Variants in GLUL observed in about 807,000 individuals in gnomAD.
GLUL encodes the protein glutamine synthetase.
Under a neutral mutation model 36.9 loss-of-function variants are expected in GLUL, and 8 were observed. The observed-to-expected ratio is 0.22, with a 90% CI of 0.13 to 0.39. The LOEUF is 0.39. Among genes scored for constraint, GLUL ranks in the 10% least tolerant of loss-of-function variants. The pLI is 1.00. For missense variants in GLUL, 315 were observed against 501.8 expected (o/e 0.63, Z 3.56); for synonymous variants, 182 against 172.8 (o/e 1.05, Z -0.42).
At position 182,380,423 on chromosome 1, in the gene GLUL, T is replaced by G. The variant is rs1192240139; in HGVS notation, c.*3982A>C. ...CCTGGGCTCAAGTCATCCTCCCATCTCAGCCTCCTGATAGCTGAGACTACA... is the reference window on the plus strand; with the variant it reads ...CCTGGGCTCAAGTCATCCTCCCATCGCAGCCTCCTGATAGCTGAGACTACA... On this transcript the variant is annotated 3_prime_UTR_variant, in exon 7 of 7. Transcript: ENST00000331872. Among the ~76,000 whole-genome samples the G allele has an allele frequency of 6.6e-6, 1 of 152,162 alleles. No individual in the cohort carries two copies. The highest frequency in any genetic ancestry group is 2.4e-5 in the African/African-American group (1 of 41,440).
rs774201990 is a variant in GLUL at position 182,385,319 on chromosome 1, A to C, written c.803+38T>G. 5 of 1,476,204 alleles carry C rather than the reference A, an allele frequency of 3.4e-6. No individual in the cohort carries two copies. In the South Asian group the frequency reaches 5.7e-5, roughly 17 times the overall value. The allele number at this position is 1,476,204 out of a possible 1,614,324, so 91.4% of individuals were successfully genotyped here. A position where few individuals can be genotyped will look rare whatever the true frequency, so the allele number is the denominator to read the frequency against. On this transcript the variant is annotated intron_variant, in intron 6 of 6. Transcript: ENST00000331872. The stretch of plus-strand genomic sequence containing the variant: ...TAAGTCTCCTCCCAAGTTTTCTGCC[A>C]CAGGAGATTAAAGATGGCCCCAGCA...
Position 182,379,642 on chromosome 1 carries a change from T to C in GLUL, c.*4763A>G, listed in dbSNP as rs1185214845. On this transcript the variant is annotated 3_prime_UTR_variant, in exon 7 of 7. Transcript: ENST00000331872. The stretch of plus-strand genomic sequence containing the variant: ...TGGCTCACTGCAGCTTCAAGTAATC[T>C]TCCCACCTCAGCCTCCCAGGTAGCT... Among the ~76,000 whole-genome samples, 1 of 151,672 alleles carries C rather than the reference T, an allele frequency of 6.6e-6. No homozygotes were observed. Among genetic ancestry groups the C allele is most frequent in the Non-Finnish European group, 1.5e-5 (1 of 67,956 alleles).
Position 182,381,247 on chromosome 1 carries a change from T to G in GLUL, c.*3158A>C, listed in dbSNP as rs774190181. ...GCGCCACACTATACTCCAGCCTGGGTGAGAGTCAGACCCCGTCTCAAAAAC... is the reference window on the plus strand; with the variant it reads ...GCGCCACACTATACTCCAGCCTGGGGGAGAGTCAGACCCCGTCTCAAAAAC... On this transcript the variant is annotated 3_prime_UTR_variant, in exon 7 of 7. Coordinates refer to ENST00000331872, the MANE Select transcript of GLUL (RefSeq NM_001033044.4). 5.3e-5 allele frequency among the ~76,000 whole-genome samples: 8 copies of G among 152,120 alleles called. No homozygotes were observed. The highest frequency in any genetic ancestry group is 1.3e-4 in the Admixed American group (2 of 15,268).
intron 1 of GLUL, chr1:182,390,445 T>C (rs1650361184): frequency 5.0e-6 from 2 of 398,746 alleles, no homozygotes; most frequent in Non-Finnish European, 8.8e-6. Flanking sequence ...TTTTCAGCAG[T>C]TTCTGCAGCT....
In GLUL at chr1:182,388,670, C is replaced by T. The variant is rs1650278888; in HGVS notation, c.68G>A (p.Gly23Asp). The T allele has an allele frequency of 6.2e-7, 1 of 1,613,796 alleles. No individual in the cohort carries two copies. Among genetic ancestry groups the T allele is most frequent in the East Asian group, 2.2e-5 (1 of 44,878 alleles). ...GATATACATGGCCTGGACTTTCTCA[C>T]CCTGAGGCAGGGACATGTACACCTG... ...IKQVYMSLPQ[G>D]EKVQAMYIWI... is the part of the protein sequence containing the mutation. The change falls in exon 2 of 7, where the codon GGT (glycine) becomes GAT (aspartate). Residue 23 changes from glycine to aspartate, a missense_variant. Around this residue, in one of 3 missense-constraint regions of GLUL, gnomAD observed 256 missense variants for 396.1 expected, o/e 0.65. Transcript: ENST00000331872.
chr1:182,381,416 T>C lies in GLUL; in HGVS notation c.*2989A>G, dbSNP rs1649923130. Among the ~76,000 whole-genome samples the C allele has an allele frequency of 6.6e-6, 1 of 152,214 alleles. No individual in the cohort carries two copies. Among genetic ancestry groups the C allele is most frequent in the African/African-American group, 2.4e-5 (1 of 41,452 alleles). ...GTTCATGGAGACCTCCTTTTGTAAATACTGGCCTGACTCCTTAAGGTTGAA... is the reference window on the plus strand; with the variant it reads ...GTTCATGGAGACCTCCTTTTGTAAACACTGGCCTGACTCCTTAAGGTTGAA... On this transcript the variant is annotated 3_prime_UTR_variant, in exon 7 of 7. Transcript: ENST00000331872.
At position 182,384,358 on chromosome 1, in the gene GLUL, T is replaced by C. The variant is rs375910894; in HGVS notation, c.*47A>G. 8.8e-6 allele frequency: 11 copies of C among 1,248,838 alleles called. No individual in the cohort carries two copies. Among genetic ancestry groups the C allele is most frequent in the Non-Finnish European group, 1.3e-5 (11 of 853,230 alleles). The allele number at this position is 1,248,838 out of a possible 1,614,324, so 77.4% of individuals were successfully genotyped here. ...ACTGGGAGAGGGGGAAGAGTTGGAG[T>C]GGGATGAAGAACTAGGAGGGGCTCA... On this transcript the variant is annotated 3_prime_UTR_variant, in exon 7 of 7. Coordinates refer to ENST00000331872, the MANE Select transcript of GLUL (RefSeq NM_001033044.4).
rs554347483 is a variant in GLUL, at chr1:182,385,451, T to C, written c.709A>G (p.Thr237Ala). The C allele has an allele frequency of 2.3e-5, 37 of 1,613,660 alleles. No homozygotes were observed. Among genetic ancestry groups the C allele is most frequent in the South Asian group, 1.2e-4 (11 of 91,068 alleles). Residue 237 changes from threonine to alanine, a missense_variant, in exon 6 of 7, where the codon ACC becomes GCC. Thr to Ala is a moderately conservative substitution (Grantham distance 58). Coordinates refer to ENST00000331872, the MANE Select transcript of GLUL (RefSeq NM_001033044.4). ...RVCEDFGVIA[T>A]FDPKPIPGNW... ...CCAGGAATGGGCTTAGGATCAAAGG[T>C]TGCTATCACTCCAAAGTCTTCACAC...
In GLUL at chr1:182,383,825, T is replaced by A. The variant is rs1187842886; in HGVS notation, c.*580A>T. ...TCTTCTTTCAAGGTAGGGATATCCA[T>A]CAGTTTATACTAAGCTTCGTGTTCA... On this transcript the variant is annotated 3_prime_UTR_variant, in exon 7 of 7. Coordinates refer to ENST00000331872, the MANE Select transcript of GLUL (RefSeq NM_001033044.4). 2 of 156,528 alleles carry A rather than the reference T, an allele frequency of 1.3e-5. No individual in the cohort carries two copies. Among genetic ancestry groups the A allele is most frequent in the Admixed American group, 1.2e-4 (2 of 16,350 alleles). The allele number at this position is 156,528 out of a possible 1,614,324, so 9.7% of individuals were successfully genotyped here.
rs200242040 is a variant in GLUL at position 182,386,420 on chromosome 1, T to C, written c.329-18A>G. ...ATTGGTCTCTAGAAAAAAGAGTCAA[T>C]AATACGCCATCAGGGATCTAAAGAC... is the stretch of plus-strand genomic sequence containing the variant. On this transcript the variant is annotated intron_variant, in intron 3 of 6. Coordinates refer to ENST00000331872, the MANE Select transcript of GLUL (RefSeq NM_001033044.4). 3 of 1,580,600 alleles carry C rather than the reference T, an allele frequency of 1.9e-6. No individual in the cohort carries two copies. The Admixed American group carries it at 5.0e-5, about 26-fold the overall frequency.
chr1:182,384,750 C>G (rs1472647848), intron 6 of GLUL, 27 bp from the exon 7 acceptor site: 6 of 1,557,626 alleles, frequency 3.9e-6, no homozygotes, highest in Admixed American at 1.7e-5. Flanking sequence ...AGATGGCAGT[C>G]CAACCTTGTC....
chr1:182,386,969 C>T (rs1571407883), intron 3 of GLUL, 162 bp downstream of exon 3: 2 of 700,722 alleles, frequency 2.9e-6, no homozygotes, highest in Admixed American at 4.1e-5. Context: ...GCCATATTAT[C>T]TCTTCCTCAA....
In GLUL at chr1:182,387,265, G is replaced by A; in HGVS notation, c.194C>T (p.Ser65Phe). 4 of 1,613,222 alleles carry A rather than the reference G, an allele frequency of 2.5e-6. No homozygotes were observed. Among genetic ancestry groups the A allele is most frequent in the Non-Finnish European group, 3.4e-6 (4 of 1,179,244 alleles). The change falls in exon 3 of 7, where the codon TCT becomes TTT. Residue 65 changes from serine to phenylalanine, a missense_variant. Physicochemically the swap from Ser to Phe is radical, Grantham distance 155 (BLOSUM62 -2). Coordinates refer to ENST00000331872, the MANE Select transcript of GLUL (RefSeq NM_001033044.4). The stretch of plus-strand genomic sequence containing the variant: ...GGAACCCTCAGACTGTAAAGTACTA[G>A]AGCCATCGAAATTCCACTCAGGCAA... The part of the protein sequence containing the change: ...EELPEWNFDG[S>F]STLQSEGSNS...
rs767671684 is a variant in GLUL, at chr1:182,382,162, TTAA to T, written c.*2240_*2242del. On this transcript the variant is annotated 3_prime_UTR_variant, in exon 7 of 7. Transcript: ENST00000331872. Reference sequence around the variant, plus strand: ...CACATTATTAGTAGTATTAATGCTATTAATAATATTGCACTCCAATGTGTCCAA... The same window carrying T: ...CACATTATTAGTAGTATTAATGCTATTAATATTGCACTCCAATGTGTCCAA... 2 of 152,206 alleles carry T rather than the reference TTAA, an allele frequency of 1.3e-5. No individual in the cohort carries two copies. The highest frequency in any genetic ancestry group is 2.1e-4 in the South Asian group (1 of 4,828). 9.4% of individuals were successfully genotyped at this position (152,206 alleles called of 1,614,324 possible).
In GLUL at chr1:182,383,523, G is replaced by A. The variant is rs1023782538; in HGVS notation, c.*882C>T. 2 of 152,066 alleles carry A rather than the reference G, an allele frequency of 1.3e-5. No homozygotes were observed. Among genetic ancestry groups the A allele is most frequent in the Non-Finnish European group, 2.9e-5 (2 of 68,016 alleles). 9.4% of individuals were successfully genotyped at this position (152,066 alleles called of 1,614,324 possible). A position where few individuals can be genotyped will look rare whatever the true frequency, so the allele number is the denominator to read the frequency against. Reference sequence around the variant, plus strand: ...AATCCAGTGCCCACCTTCTCCAGAGGGTGGGCAGGGCAGAAACCCAAAAGG... The same window carrying A: ...AATCCAGTGCCCACCTTCTCCAGAGAGTGGGCAGGGCAGAAACCCAAAAGG... On this transcript the variant is annotated 3_prime_UTR_variant, in exon 7 of 7. Transcript: ENST00000331872.
chr1:182,385,678 G>A, intron 5 of GLUL, 82 bp downstream of exon 5: 1 of 1,567,412 alleles, frequency 6.4e-7, no homozygotes. Flanking sequence ...GTTAGTGAGT[G>A]GTGTATCAGC....
rs914024557 is a variant in GLUL at position 182,384,225 on chromosome 1, A to G, written c.*180T>C. On this transcript the variant is annotated 3_prime_UTR_variant, in exon 7 of 7. Transcript: ENST00000331872. The stretch of plus-strand genomic sequence containing the variant: ...AAGGAGGGTAGGTGTGAAGAAATTA[A>G]TAACTTGACCCCTCTATCCCAGCCA... The G allele has an allele frequency of 3.0e-5, 19 of 631,488 alleles. No homozygotes were observed. The highest frequency in any genetic ancestry group is 9.2e-5 in the African/African-American group (5 of 54,504). 39.1% of individuals were successfully genotyped at this position (631,488 alleles called of 1,614,324 possible). A position where few individuals can be genotyped will look rare whatever the true frequency, so the allele number is the denominator to read the frequency against.
intron 4 of GLUL, 177 bp downstream of exon 4, chr1:182,386,079 A>G: frequency 2.3e-6 from 2 of 874,260 alleles, no homozygotes; most frequent in Non-Finnish European, 3.9e-6. Context: ...CGTTCCCCCT[A>G]AAACCTTACT....
At chr1:182,389,081 A>G (rs1473253226) in intron 1 of GLUL, 2 of 358,058 alleles carry the variant, frequency 5.6e-6, no homozygotes, top group Non-Finnish European at 1.1e-5. Flanking sequence ...TTCCACAGCT[A>G]CTGCAGAACC....
Sources: allele counts gnomAD v4.1 joint callset (sites outside exome capture counted in the v4.1 genomes callset), GRCh38; gene constraint gnomAD v4.1.1; regional missense constraint gnomAD v4.1.1; transcripts MANE v1.5; gene names NCBI Gene and HGNC (gene_info 2026-07-23, HGNC 2026-07-21).